The following MASTL variants were observed in gnomAD, a reference collection of about 807,000 sequenced individuals.
MASTL encodes the protein serine/threonine-protein kinase greatwall.
In MASTL, 54 loss-of-function variants were observed where a neutral mutation model predicts 82.5. The observed-to-expected ratio is 0.65, with a 90% CI of 0.53 to 0.82. The LOEUF (loss-of-function observed/expected upper bound fraction) is 0.82. MASTL is among the 40% of genes least tolerant of loss of function. MASTL has a pLI of 0.00. For missense variants in MASTL, 950 were observed against 1,047.8 expected, an observed-to-expected ratio of 0.91 and a Z score of 1.29; for synonymous variants, 323 against 368.9, an observed-to-expected ratio of 0.88 and a Z score of 1.43.
At chr10:27,172,123 A>G (rs1162697045) in intron 8 of MASTL, among the ~76,000 whole-genome samples, 1 of 152,102 alleles carries the variant, frequency 6.6e-6, no homozygotes, top group African/African-American at 2.4e-5. Context: ...CACCATGCCC[A>G]GCGAAAAATA....
chr10:27,155,240 A>C, upstream of MASTL: 1 of 623,220 alleles, frequency 1.6e-6, no homozygotes, highest in Non-Finnish European at 2.8e-6. Context: ...AAGGCTGCGA[A>C]GTCGGGGCTT....
chr10:27,175,793 G>A (rs2058084111), intron 9 of MASTL, among the ~76,000 whole-genome samples: 1 of 152,028 alleles, frequency 6.6e-6, no homozygotes, highest in South Asian at 2.1e-4. Flanking sequence ...TCAAATGTTG[G>A]GTCTCAAAAC....
intron 6 of MASTL, 123 bp from the exon 7 acceptor site, chr10:27,166,979 T>C (rs2057761041): frequency 1.7e-5 from 2 of 118,626 alleles, no homozygotes; most frequent in East Asian, 1.7e-4. Context: ...TTCTGATATG[T>C]AATTCTTAAT....
At chr10:27,166,510 T>C (rs1282289367) in intron 6 of MASTL, among the ~76,000 whole-genome samples, 2 of 152,098 alleles carry the variant, frequency 1.3e-5, no homozygotes, top group Non-Finnish European at 2.9e-5. Flanking sequence ...TGGTGGTTCA[T>C]ACCTGTAAGT....
At chr10:27,160,399 T>G (rs2057530696) in intron 3 of MASTL, among the ~76,000 whole-genome samples, 1 of 152,022 alleles carries the variant, frequency 6.6e-6, no homozygotes, top group South Asian at 2.1e-4. Context: ...TGTTTTTCTC[T>G]ATGCAAAGAA....
rs1437511975 is a variant in MASTL, at chr10:27,159,407, G to A, written c.325-212G>A. Reference sequence around the variant, plus strand: ...CAAAGTGCTGAGATTATAGGCGTGAGTCACTGTGCCCAGCCTAAACAGTTT... The same window carrying A: ...CAAAGTGCTGAGATTATAGGCGTGAATCACTGTGCCCAGCCTAAACAGTTT... On this transcript the variant is annotated intron_variant, in intron 2 of 11. Transcript: ENST00000375940. The surrounding 1 kb of genome is among the most constrained non-coding windows in gnomAD (Gnocchi z 4.0). 6.6e-6 allele frequency among the ~76,000 whole-genome samples: 1 copy of A among 152,116 alleles called. No individual in the cohort carries two copies. The highest frequency in any genetic ancestry group is 1.5e-5 in the Non-Finnish European group (1 of 68,018).
Position 27,170,115 on chromosome 10 carries a change from G to A in MASTL, c.1156G>A (p.Val386Ile), listed in dbSNP as rs992170774. 11 of 1,614,038 alleles carry A rather than the reference G, an allele frequency of 6.8e-6. No homozygotes were observed. The highest frequency in any genetic ancestry group is 3.3e-5 in the Admixed American group (2 of 59,972). The stretch of plus-strand genomic sequence containing the variant: ...CCTTCCCACCACTGGACGCTCTTGT[G>A]TAAACCTTGCTAAAAAATGCTTCTC... Reference protein sequence around the residue: ...SALPTTGRSCVNLAKKCFSGE... With the variant: ...SALPTTGRSCINLAKKCFSGE... Residue 386 changes from valine (V) to isoleucine (I), a missense_variant, in exon 8 of 12, where the codon GTA becomes ATA. Coordinates refer to ENST00000375940, the MANE Select transcript of MASTL (RefSeq NM_001172303.3).
upstream of MASTL, chr10:27,155,183 T>C: frequency 1.8e-6 from 1 of 542,834 alleles, no homozygotes; most frequent in East Asian, 3.2e-5. Flanking sequence ...TCCTCCCTCA[T>C]GAGGAATGAT....
chr10:27,169,617 G>A (rs1227940937), intron 7 of MASTL, among the ~76,000 whole-genome samples: 1 of 151,336 alleles, frequency 6.6e-6, no homozygotes, highest in Non-Finnish European at 1.5e-5. Context: ...AAATAGATAT[G>A]TACGTAATGC....
At chr10:27,158,067 C>A (rs2057451231) in intron 1 of MASTL, among the ~76,000 whole-genome samples, 1 of 151,962 alleles carries the variant, frequency 6.6e-6, no homozygotes, top group Non-Finnish European at 1.5e-5. Context: ...CATTTAATAC[C>A]AAGATAAGCA....
At chr10:27,165,574 G>A in intron 6 of MASTL, 35 bp downstream of exon 6, 1 of 1,605,640 alleles carries the variant, frequency 6.2e-7, no homozygotes, top group Middle Eastern at 1.7e-4. Context: ...CAGGCGCAGA[G>A]GCTTACACCT....
intron 6 of MASTL, 91 bp from the exon 7 acceptor site, chr10:27,166,991 CATATTAATATGTAATTCTTG>C: frequency 7.7e-6 from 1 of 130,130 alleles, no homozygotes; most frequent in Non-Finnish European, 1.6e-5. Flanking sequence ...ATTCTTAATA[CATATTAATATGTAATTCTTG>C]ATACTTTGCT....
chr10:27,168,053 A>G (rs1466896125), intron 7 of MASTL, among the ~76,000 whole-genome samples: 4 of 152,252 alleles, frequency 2.6e-5, no homozygotes, highest in African/African-American at 9.6e-5. Context: ...TAAAATAATG[A>G]TAGATTAGGA....
chr10:27,161,848 T>G (rs927753456), intron 4 of MASTL, among the ~76,000 whole-genome samples: 1 of 152,206 alleles, frequency 6.6e-6, no homozygotes, highest in Admixed American at 6.5e-5. Flanking sequence ...AGAATAACTA[T>G]AACATGATGA....
intron 4 of MASTL, among the ~76,000 whole-genome samples, chr10:27,163,137 G>A (rs576095379): frequency 5.9e-5 from 9 of 152,146 alleles, no homozygotes; most frequent in South Asian, 2.1e-4. Flanking sequence ...GGCTGGTCTC[G>A]AGCTCCTGAC....
chr10:27,176,849 CTTT>C (rs11334357), intron 9 of MASTL, among the ~76,000 whole-genome samples: 19 of 124,810 alleles, frequency 1.5e-4, no homozygotes, highest in Admixed American at 3.2e-4. Flanking sequence ...TTTCTTTTTT[CTTT>C]TTTTTTTTTT....
chr10:27,155,219 A>G (rs2057309736), upstream of MASTL: 11 of 596,512 alleles, frequency 1.8e-5, no homozygotes, highest in South Asian at 2.0e-4. Flanking sequence ...GTCGCCGCCC[A>G]CGAAGAGTGT....
chr10:27,177,095 G>C (rs1418795995), intron 9 of MASTL, among the ~76,000 whole-genome samples: 1 of 151,944 alleles, frequency 6.6e-6, no homozygotes, highest in African/African-American at 2.4e-5. Context: ...CACCCAAAGT[G>C]TTCAGCCTCC....
Position 27,186,878 on chromosome 10 carries a change from G to C in MASTL, c.*342G>C, listed in dbSNP as rs1345753869. On this transcript the variant is annotated 3_prime_UTR_variant, in exon 12 of 12. Transcript: ENST00000375940. ...CTTTCTCCTCTGATTTCAGTTCACT[G>C]TTCAGTTTAGCATTAAAATAATAAA... The C allele has an allele frequency of 1.3e-5, 4 of 306,772 alleles. No individual in the cohort carries two copies. The highest frequency in any genetic ancestry group is 2.5e-5 in the Non-Finnish European group (4 of 160,898). The allele number at this position is 306,772 out of a possible 1,614,324, so 19.0% of individuals were successfully genotyped here.
Sources: gnomAD v4.1 joint callset for allele counts (sites outside exome capture counted in the v4.1 genomes callset) on GRCh38, gnomAD v4.1.1 for gene constraint, Gnocchi (gnomAD v3.1) non-coding constraint, MANE v1.5 for transcripts, NCBI Gene and HGNC (gene_info 2026-07-23, HGNC 2026-07-21) for gene names.